The following ATOSA variants were observed in gnomAD, a reference collection of about 807,000 sequenced individuals.
ATOSA encodes atos homolog A, also known as atos homolog protein A.
the ATOSA span, chr15:52,613,673 C>G: frequency 6.2e-7 from 1 of 1,613,084 alleles, no homozygotes; most frequent in East Asian, 2.2e-5. Flanking sequence ...AGATTCTCAC[C>G]TGGGCCAGCT....
At chr15:52,634,030 C>T in the ATOSA span, among the ~76,000 whole-genome samples, 1 of 151,410 alleles carries the variant, frequency 6.6e-6, no homozygotes, top group South Asian at 2.1e-4. Context: ...TAATGTGCAC[C>T]CTAAAGTAAC....
chr15:52,707,655 T>C, the ATOSA span, among the ~76,000 whole-genome samples: 1 of 152,182 alleles, frequency 6.6e-6, no homozygotes, highest in Non-Finnish European at 1.5e-5. Context: ...CAATATTAAA[T>C]TTCTGAAATT....
chr15:52,638,157 G>A, the ATOSA span, among the ~76,000 whole-genome samples: 1 of 152,188 alleles, frequency 6.6e-6, no homozygotes, highest in Non-Finnish European at 1.5e-5. Context: ...TGAATAGCAT[G>A]TGAAAGAAAT....
the ATOSA span, chr15:52,609,222 A>G: frequency 2.2e-5 from 35 of 1,611,908 alleles, 1 homozygote; most frequent in Non-Finnish European, 2.8e-5. Context: ...AAGAAGTAAA[A>G]CATTTATTAG....
At chr15:52,584,240 G>C in the ATOSA span, among the ~76,000 whole-genome samples, 214 of 151,120 alleles carry the variant, frequency 1.4e-3, no homozygotes, top group Non-Finnish European at 2.6e-3. Context: ...CACCTCCCGG[G>C]TTCAAGCAAT....
At chr15:52,608,987 T>C in the ATOSA span, 7 of 1,612,654 alleles carry the variant, frequency 4.3e-6, no homozygotes, top group East Asian at 2.2e-5. Flanking sequence ...GTGGTGCAAT[T>C]TGAATACTGT....
chr15:52,646,525 T>A, the ATOSA span, among the ~76,000 whole-genome samples: 1 of 152,098 alleles, frequency 6.6e-6, no homozygotes, highest in Admixed American at 6.5e-5. Context: ...TTGAAGCCCA[T>A]CTAGAACGTA....
At chr15:52,586,900 C>A in the ATOSA span, 1,134 of 501,082 alleles carry the variant, frequency 2.3e-3, 6 homozygotes, top group South Asian at 0.015. Flanking sequence ...ATTGAAGAGT[C>A]CTATTGAAGT....
At chr15:52,660,543 T>G in the ATOSA span, among the ~76,000 whole-genome samples, 2 of 152,246 alleles carry the variant, frequency 1.3e-5, no homozygotes, top group African/African-American at 4.8e-5. Flanking sequence ...CCTTCGTATA[T>G]TTCCTTCAGC....
At chr15:52,686,573 G>C in the ATOSA span, among the ~76,000 whole-genome samples, 7 of 152,190 alleles carry the variant, frequency 4.6e-5, no homozygotes, top group Non-Finnish European at 2.9e-5. Context: ...GTAGTAGATA[G>C]AGCATGATAA....
At chr15:52,603,606 G>GAACA in the ATOSA span, among the ~76,000 whole-genome samples, 34 of 152,306 alleles carry the variant, frequency 2.2e-4, no homozygotes, top group African/African-American at 7.9e-4. Flanking sequence ...ATAGATGAAT[G>GAACA]AAGAAAATGT....
chr15:52,677,972 G>T, the ATOSA span: 2 of 1,613,638 alleles, frequency 1.2e-6, no homozygotes, highest in African/African-American at 2.7e-5. Flanking sequence ...AGAAGGGGGT[G>T]GGGGAACAAG....
chr15:52,650,591 A>C, the ATOSA span, among the ~76,000 whole-genome samples: 6 of 152,242 alleles, frequency 3.9e-5, no homozygotes, highest in Non-Finnish European at 8.8e-5. Flanking sequence ...GAAAAGAAAT[A>C]TCTCTCCTTA....
the ATOSA span, among the ~76,000 whole-genome samples, chr15:52,616,879 G>A: frequency 6.6e-6 from 1 of 152,154 alleles, no homozygotes; most frequent in Non-Finnish European, 1.5e-5. Context: ...CCTGATTCCT[G>A]ACAATGTTCC....
At chr15:52,606,218 T>C in the ATOSA span, among the ~76,000 whole-genome samples, 1 of 152,090 alleles carries the variant, frequency 6.6e-6, no homozygotes, top group Non-Finnish European at 1.5e-5. Context: ...TGGAACATGA[T>C]ACAGAAATAT....
chr15:52,686,644 G>A, the ATOSA span, among the ~76,000 whole-genome samples: 1 of 152,124 alleles, frequency 6.6e-6, no homozygotes, highest in Admixed American at 6.5e-5. Flanking sequence ...GAACCCCAAA[G>A]CTCAATTAGG....
chr15:52,625,313 T>G, the ATOSA span, among the ~76,000 whole-genome samples: 1 of 152,040 alleles, frequency 6.6e-6, no homozygotes, highest in Admixed American at 6.6e-5. Flanking sequence ...AAGTTGACAT[T>G]AGTGACAAGT....
chr15:52,633,686 G>GA, the ATOSA span, among the ~76,000 whole-genome samples: 17 of 151,760 alleles, frequency 1.1e-4, no homozygotes, highest in East Asian at 2.3e-3. Context: ...TCAAAACACT[G>GA]AAAAAAAATC....
At chr15:52,693,968 T>C in the ATOSA span, among the ~76,000 whole-genome samples, 65 of 152,168 alleles carry the variant, frequency 4.3e-4, no homozygotes, top group Middle Eastern at 3.4e-3. Flanking sequence ...CACTCTCTCT[T>C]CTCTTTTGTT....
Sources: allele counts gnomAD v4.1 joint callset (sites outside exome capture counted in the v4.1 genomes callset), GRCh38; gene constraint gnomAD v4.1.1; transcripts MANE v1.5; gene names NCBI Gene and HGNC (gene_info 2026-07-23, HGNC 2026-07-21).